Variants in RABGAP1L observed in about 807,000 individuals in gnomAD.
The protein encoded by RABGAP1L is rab GTPase-activating protein 1-like.
In RABGAP1L, 63 loss-of-function variants were observed where a neutral mutation model predicts 137.7. That is an observed-to-expected ratio of 0.46 (90% CI 0.37 to 0.56). The LOEUF (loss-of-function observed/expected upper bound fraction) is 0.56, where lower values mean the gene tolerates loss of function less well. Among genes scored for constraint, RABGAP1L ranks in the 20% least tolerant of loss-of-function variants. RABGAP1L has a pLI of 0.00. For missense variants in RABGAP1L, 1,095 were observed against 1,244.0 expected, an observed-to-expected ratio of 0.88 and a Z score of 1.80; for synonymous variants, 431 against 433.7, an observed-to-expected ratio of 0.99 and a Z score of 0.08.
At chr1:174,425,597 CAG>C (rs751953443) in intron 13 of RABGAP1L, among the ~76,000 whole-genome samples, 2 of 152,018 alleles carry the variant, frequency 1.3e-5, no homozygotes, top group Non-Finnish European at 2.9e-5. Context: ...TTTATACTAA[CAG>C]AGTTTTATAA....
intron 19 of RABGAP1L, among the ~76,000 whole-genome samples, chr1:174,831,556 CT>C (rs1370120473): frequency 2.0e-5 from 3 of 148,230 alleles, no homozygotes; most frequent in Non-Finnish European, 4.5e-5. Flanking sequence ...TATAGACAGA[CT>C]CTTTGATTGG....
chr1:174,621,457 T>C (rs1672460596), intron 13 of RABGAP1L, among the ~76,000 whole-genome samples: 1 of 152,108 alleles, frequency 6.6e-6, no homozygotes, highest in African/African-American at 2.4e-5. Context: ...CAAACTATAC[T>C]ACAAGGCTAC....
At chr1:174,281,035 G>A (rs984067844) in intron 10 of RABGAP1L, among the ~76,000 whole-genome samples, 1 of 152,154 alleles carries the variant, frequency 6.6e-6, no homozygotes, top group Non-Finnish European at 1.5e-5. Context: ...GATCCTCCCG[G>A]TGGGTTCGTG....
In RABGAP1L at chr1:174,547,287, C is replaced by T. The variant is rs116789242; in HGVS notation, c.1711-90088C>T. 2.2e-3 allele frequency among the ~76,000 whole-genome samples: 338 copies of T among 151,996 alleles called. 2 individuals carry two copies. Among genetic ancestry groups the T allele is most frequent in the South Asian group, 0.021 (100 of 4,810 alleles). ...CAGACCAGTTCTCAGTGAATGTGAG[C>T]GTTGATTATTTTTAAGGTGGTAGAG... On this transcript the variant is annotated intron_variant, in intron 13 of 25. Transcript: ENST00000681986.
intron 17 of RABGAP1L, among the ~76,000 whole-genome samples, chr1:174,739,665 G>C (rs1171428567): frequency 6.6e-6 from 1 of 152,210 alleles, no homozygotes; most frequent in African/African-American, 2.4e-5. Flanking sequence ...AGAGCCAATG[G>C]TCTAATGGAA....
rs190352238 is a variant in RABGAP1L at position 174,774,386 on chromosome 1, T to C, written c.2211+22032T>C. The stretch of plus-strand genomic sequence containing the variant: ...CAGGAGGATCACATGAGTCTTGGAG[T>C]TCAAAACCAGCCTGGGCAACATAGT... On this transcript the variant is annotated intron_variant, in intron 18 of 25. Coordinates refer to ENST00000681986, the MANE Select transcript of RABGAP1L (RefSeq NM_001366446.1). Among the ~76,000 whole-genome samples the C allele has an allele frequency of 2.5e-3, 376 of 151,362 alleles. 2 individuals carry two copies. The highest frequency in any genetic ancestry group is 8.3e-3 in the African/African-American group (343 of 41,232).
intron 12 of RABGAP1L, among the ~76,000 whole-genome samples, chr1:174,387,776 T>C (rs1466247604): frequency 6.6e-5 from 10 of 152,110 alleles, no homozygotes; most frequent in Non-Finnish European, 2.9e-5. Context: ...ATAATATTTT[T>C]ATTAATGGAC....
intron 13 of RABGAP1L, among the ~76,000 whole-genome samples, chr1:174,435,762 G>A (rs963112400): frequency 7.3e-5 from 11 of 151,050 alleles, no homozygotes; most frequent in Non-Finnish European, 1.2e-4. Flanking sequence ...CCATTAACTC[G>A]TCATTTAGCA....
At chr1:174,668,195 C>A (rs917242857) in intron 14 of RABGAP1L, among the ~76,000 whole-genome samples, 1 of 152,158 alleles carries the variant, frequency 6.6e-6, no homozygotes, top group Non-Finnish European at 1.5e-5. Flanking sequence ...GTACAGTAGA[C>A]CTGTTAGCTT....
intron 1 of RABGAP1L, among the ~76,000 whole-genome samples, chr1:174,202,952 A>C (rs919642053): frequency 6.6e-6 from 1 of 152,024 alleles, no homozygotes; most frequent in Non-Finnish European, 1.5e-5. Context: ...GTCAAAGATC[A>C]GATGGTTGTA....
chr1:174,805,557 A>C (rs939357413), intron 18 of RABGAP1L, among the ~76,000 whole-genome samples: 1 of 152,188 alleles, frequency 6.6e-6, no homozygotes, highest in Non-Finnish European at 1.5e-5. Flanking sequence ...GCTGGAGTGC[A>C]GTGGCATGAT....
chr1:174,547,901 T>C (rs1322140840), intron 13 of RABGAP1L: 2 of 1,549,838 alleles, frequency 1.3e-6, no homozygotes, highest in Non-Finnish European at 1.7e-6. Context: ...GAAGGGTCTA[T>C]GAAGGTCTCC....
intron 13 of RABGAP1L, among the ~76,000 whole-genome samples, chr1:174,474,139 G>C (rs572801389): frequency 4.6e-5 from 7 of 152,218 alleles, no homozygotes; most frequent in Non-Finnish European, 1.0e-4. Flanking sequence ...ATAGTAGGTA[G>C]TTAATAAATA....
At chr1:174,958,137 A>T (rs1167614392) in intron 20 of RABGAP1L, 2 of 1,490,072 alleles carry the variant, frequency 1.3e-6, no homozygotes, top group South Asian at 1.2e-5. Flanking sequence ...TGTTAAAAAT[A>T]CCAACTCACT....
At chr1:174,927,328 TTG>T (rs747979777) in intron 19 of RABGAP1L, among the ~76,000 whole-genome samples, 1 of 152,178 alleles carries the variant, frequency 6.6e-6, no homozygotes, top group Non-Finnish European at 1.5e-5. Context: ...TTATTAAGTG[TTG>T]TTTGTATATC....
chr1:174,772,492 C>T (rs760339080), intron 18 of RABGAP1L, among the ~76,000 whole-genome samples: 13 of 148,244 alleles, frequency 8.8e-5, no homozygotes, highest in South Asian at 4.2e-4. Flanking sequence ...CGCTTGAACC[C>T]GGGAGGCGGA....
intron 14 of RABGAP1L, among the ~76,000 whole-genome samples, chr1:174,640,703 A>G (rs1190278741): frequency 6.6e-6 from 1 of 152,036 alleles, no homozygotes; most frequent in African/African-American, 2.4e-5. Flanking sequence ...TATGTAAATA[A>G]GGACAGTTTT....
At chr1:174,190,301 CAAA>C (rs57629149) in intron 1 of RABGAP1L, among the ~76,000 whole-genome samples, 23 of 90,228 alleles carry the variant, frequency 2.5e-4, no homozygotes, top group African/African-American at 7.1e-4. Context: ...GACTCCGTTG[CAAA>C]AAAAAAAAAA....
At chr1:174,233,351 G>A (rs1670855408) in intron 4 of RABGAP1L, among the ~76,000 whole-genome samples, 1 of 150,460 alleles carries the variant, frequency 6.6e-6, no homozygotes, top group Non-Finnish European at 1.5e-5. Context: ...TGCCATGCTG[G>A]TGCACTGCAC....
Sources: gnomAD v4.1 joint callset for allele counts (sites outside exome capture counted in the v4.1 genomes callset) on GRCh38, gnomAD v4.1.1 for gene constraint, MANE v1.5 for transcripts, NCBI Gene and HGNC (gene_info 2026-07-23, HGNC 2026-07-21) for gene names.